Variants in LTBP2 observed in about 807,000 individuals in gnomAD.
LTBP2 encodes the protein latent transforming growth factor beta binding protein 2.
Under a neutral mutation model 210.6 loss-of-function variants are expected in LTBP2, and 103 were observed. That is an observed-to-expected ratio of 0.49 (90% CI 0.42 to 0.58). The LOEUF (loss-of-function observed/expected upper bound fraction) is 0.58, where lower values mean the gene tolerates loss of function less well. Among genes scored for constraint, LTBP2 ranks in the 20% least tolerant of loss-of-function variants. LTBP2 has a pLI of 0.00. For synonymous variants in LTBP2, 1,007 were observed against 1,015.0 expected (o/e 0.99, Z 0.15); for missense variants, 2,313 against 2,494.5 (o/e 0.93, Z 1.55).
rs1209744297 is a variant in LTBP2 at position 74,532,472 on chromosome 14, T to G, written c.1941A>C (p.Thr647=). The change falls in exon 10 of 36, where the codon ACA becomes ACC. Residue 647 remains threonine, a synonymous_variant. Coordinates refer to ENST00000261978, the MANE Select transcript of LTBP2 (RefSeq NM_000428.3). ...CVNTRGSYLC[T]CRPGLMLDPS... is the part of the protein sequence containing the mutation. ...GATCCAGCATGAGGCCAGGTCTGCA[T>G]GTGCACAGGTAGCTGCCCCTGGTAT... is the stretch of plus-strand genomic sequence containing the variant. 1 of 1,614,084 alleles carries G rather than the reference T, an allele frequency of 6.2e-7. No individual in the cohort carries two copies. Among genetic ancestry groups the G allele is most frequent in the African/African-American group, 1.3e-5 (1 of 74,924 alleles).
rs1007209324 is a variant in LTBP2 at position 74,552,752 on chromosome 14, C to T, written c.1192+140G>A. 5 of 1,098,896 alleles carry T rather than the reference C, an allele frequency of 4.6e-6. No individual in the cohort carries two copies. In the African/African-American group the frequency reaches 4.6e-5, roughly 10 times the overall value. 68.1% of individuals were successfully genotyped at this position (1,098,896 alleles called of 1,614,324 possible). On this transcript the variant is annotated intron_variant, in intron 5 of 35. Transcript: ENST00000261978. The stretch of plus-strand genomic sequence containing the variant: ...ACACAGCTAGGCTGCCAAGTGAGGA[C>T]TCAGCTCCCCATGTGATTTGGGACA...
chr14:74,563,219 C>T (rs1194198605), intron 3 of LTBP2, among the ~76,000 whole-genome samples: 1 of 152,228 alleles, frequency 6.6e-6, no homozygotes, highest in African/African-American at 2.4e-5. Flanking sequence ...ACTTGGCTCT[C>T]TCCCCTTTCC....
chr14:74,589,549 A>G (rs1320580565), intron 2 of LTBP2, among the ~76,000 whole-genome samples: 3 of 152,182 alleles, frequency 2.0e-5, no homozygotes, highest in Non-Finnish European at 4.4e-5. Flanking sequence ...AGGTAAAACC[A>G]TGTCAGAGAA....
intron 8 of LTBP2, among the ~76,000 whole-genome samples, chr14:74,540,822 T>TATATATATATTTGTATATAATATCTATA (rs1253529515): frequency 1.5e-5 from 1 of 67,600 alleles, no homozygotes; most frequent in African/African-American, 5.1e-5. Context: ...ATATATATAT[T>TATATATATATTTGTATATAATATCTATA]TTTATATAAT....
chr14:74,572,582 C>T (rs1018661060), intron 3 of LTBP2, among the ~76,000 whole-genome samples: 7 of 151,970 alleles, frequency 4.6e-5, no homozygotes, highest in African/African-American at 1.7e-4. Flanking sequence ...GAAAAACTAC[C>T]GGACCCATAA....
chr14:74,517,362 T>G (rs1483726562), intron 17 of LTBP2, among the ~76,000 whole-genome samples: 1 of 151,268 alleles, frequency 6.6e-6, no homozygotes, highest in Non-Finnish European at 1.5e-5. Flanking sequence ...CTTCCTTTAT[T>G]TATTTATTGA....
intron 8 of LTBP2, among the ~76,000 whole-genome samples, chr14:74,538,742 G>A (rs1334195717): frequency 1.3e-5 from 2 of 152,230 alleles, no homozygotes; most frequent in Non-Finnish European, 2.9e-5. Context: ...ATTAAAAAAT[G>A]TAAACTGAAG....
At chr14:74,550,114 A>T in intron 7 of LTBP2, 149 bp from the exon 8 acceptor site, 1 of 669,332 alleles carries the variant, frequency 1.5e-6, no homozygotes, top group Non-Finnish European at 2.7e-6. Flanking sequence ...GAAGGGAGTC[A>T]GCCCATATCC....
chr14:74,532,653 C>T, intron 9 of LTBP2, 105 bp from the exon 10 acceptor site: 3 of 1,323,896 alleles, frequency 2.3e-6, no homozygotes, highest in Non-Finnish European at 3.2e-6. Flanking sequence ...AAAACAACAA[C>T]AAAAGAGCTG....
intron 19 of LTBP2, among the ~76,000 whole-genome samples, chr14:74,510,904 C>T (rs537222939): frequency 1.3e-5 from 2 of 152,364 alleles, no homozygotes; most frequent in South Asian, 2.1e-4. Flanking sequence ...GAGCAGGAGA[C>T]CCTTCCTCCC....
chr14:74,605,197 AGTTT>A (rs1320632395), intron 1 of LTBP2, among the ~76,000 whole-genome samples: 2 of 152,196 alleles, frequency 1.3e-5, no homozygotes, highest in Admixed American at 6.5e-5. Context: ...CCCACTTAGG[AGTTT>A]GTTTGACATT....
At chr14:74,521,836 T>C in intron 17 of LTBP2, 75 bp downstream of exon 17, 3 of 1,591,406 alleles carry the variant, frequency 1.9e-6, no homozygotes, top group Non-Finnish European at 2.6e-6. Flanking sequence ...TGTTTGGGGG[T>C]GTGAACCCCT....
intron 4 of LTBP2, 117 bp downstream of exon 4, chr14:74,555,386 G>C (rs1178736819): frequency 9.2e-7 from 1 of 1,091,956 alleles, no homozygotes; most frequent in African/African-American, 1.6e-5. Context: ...TTGGCTGAAA[G>C]AATGAGGGAC....
intron 8 of LTBP2, among the ~76,000 whole-genome samples, chr14:74,537,172 A>C (rs1201626605): frequency 1.3e-5 from 2 of 151,286 alleles, no homozygotes; most frequent in Admixed American, 1.3e-4. Context: ...AAAAAAAAAA[A>C]ACCAAAGAGT....
At chr14:74,590,628 T>C (rs1020599826) in intron 2 of LTBP2, among the ~76,000 whole-genome samples, 3 of 152,108 alleles carry the variant, frequency 2.0e-5, no homozygotes, top group Admixed American at 6.6e-5. Flanking sequence ...ATGTGATATA[T>C]ATATACACCA....
At chr14:74,517,069 G>C in intron 17 of LTBP2, 128 bp from the exon 18 acceptor site, 1 of 1,246,582 alleles carries the variant, frequency 8.0e-7, no homozygotes, top group African/African-American at 1.5e-5. Context: ...GGCAGGGAAG[G>C]CATGCTGGCT....
chr14:74,503,041 C>G (rs1224694875), intron 33 of LTBP2, 107 bp from the exon 34 acceptor site: 1 of 1,515,846 alleles, frequency 6.6e-7, no homozygotes, highest in Non-Finnish European at 9.0e-7. Context: ...TCTGGGAGAT[C>G]CTGGCAACAT....
chr14:74,583,124 T>A lies in LTBP2; in HGVS notation c.830+2730A>T, dbSNP rs146981096. On this transcript the variant is annotated intron_variant, in intron 3 of 35. Transcript: ENST00000261978. ...CCTGCTGCCTGGGACACTCCTGGCCTCTCCCTCTGGTCTTCCTCCAGGACA... is the reference window on the plus strand; with the variant it reads ...CCTGCTGCCTGGGACACTCCTGGCCACTCCCTCTGGTCTTCCTCCAGGACA... 5.8e-4 allele frequency among the ~76,000 whole-genome samples: 89 copies of A among 152,256 alleles called. No homozygotes were observed. The East Asian group carries it at 0.016, about 27-fold the overall frequency.
In LTBP2 at chr14:74,579,771, G is replaced by A. The variant is rs927675365; in HGVS notation, c.830+6083C>T. Among the ~76,000 whole-genome samples the A allele has an allele frequency of 2.4e-4, 36 of 152,222 alleles. 1 individual carries two copies. Among genetic ancestry groups the A allele is most frequent in the Non-Finnish European group, 1.2e-4 (8 of 68,040 alleles). On this transcript the variant is annotated intron_variant, in intron 3 of 35. Coordinates refer to ENST00000261978, the MANE Select transcript of LTBP2 (RefSeq NM_000428.3). Reference sequence around the variant, plus strand: ...GGTGCTGGAAATACCAGGCTGGGAAGGGGTAAGGACAGGCTACCTCCCCTC... The same window carrying A: ...GGTGCTGGAAATACCAGGCTGGGAAAGGGTAAGGACAGGCTACCTCCCCTC...
Sources: allele counts gnomAD v4.1 joint callset (sites outside exome capture counted in the v4.1 genomes callset), GRCh38; gene constraint gnomAD v4.1.1; transcripts MANE v1.5; gene names NCBI Gene and HGNC (gene_info 2026-07-23, HGNC 2026-07-21).